METTL22: variants seen among roughly 807,000 people sequenced by gnomAD.
METTL22 encodes methyltransferase-like protein 22.
In METTL22, 51 loss-of-function variants were observed where a neutral mutation model predicts 48.4. The ratio of observed to expected loss-of-function variants is 1.05; its 90% CI spans 0.84 to 1.33. METTL22 has a LOEUF of 1.33. Among genes scored for constraint, METTL22 ranks in the 40% most tolerant of loss-of-function variants. METTL22 has a pLI of 0.00. For missense variants in METTL22, 678 were observed against 526.9 expected, an observed-to-expected ratio of 1.29 and a Z score of -2.81; for synonymous variants, 255 against 214.1, an observed-to-expected ratio of 1.19 and a Z score of -1.67.
chr16:8,628,289 G>A (rs532631696), intron 2 of METTL22, among the ~76,000 whole-genome samples: 1 of 152,334 alleles, frequency 6.6e-6, no homozygotes, highest in Admixed American at 6.5e-5. Context: ...GTTCGGTGAT[G>A]AATGAATGGA....
the METTL22 span, among the ~76,000 whole-genome samples, chr16:8,664,265 C>G: frequency 6.6e-6 from 1 of 151,954 alleles, no homozygotes; most frequent in Non-Finnish European, 1.5e-5. Flanking sequence ...TTTTCTATTT[C>G]TTTGCAAGTT....
chr16:8,627,275 C>A (rs1030803420), intron 2 of METTL22, among the ~76,000 whole-genome samples: 2 of 152,176 alleles, frequency 1.3e-5, no homozygotes, highest in Non-Finnish European at 1.5e-5. Flanking sequence ...TGAGGCCAGC[C>A]TGACCCAGCC....
At position 8,646,494 on chromosome 16, in the gene METTL22, T is replaced by C; in HGVS notation, c.*351T>C. The stretch of plus-strand genomic sequence containing the variant: ...TTGCGGCCCTGGCTGTGAGGTGGAT[T>C]CTTGTACTGCCCTCTGTCAGCTGTT... On this transcript the variant is annotated 3_prime_UTR_variant, in exon 11 of 11. Coordinates refer to ENST00000381920, the MANE Select transcript of METTL22 (RefSeq NM_024109.4). 1.9e-6 allele frequency: 1 copy of C among 537,656 alleles called. No homozygotes were observed. Among genetic ancestry groups the C allele is most frequent in the Non-Finnish European group, 3.6e-6 (1 of 280,124 alleles). The allele number at this position is 537,656 out of a possible 1,614,324, so 33.3% of individuals were successfully genotyped here.
intron 2 of METTL22, 137 bp downstream of exon 2, chr16:8,625,935 T>C (rs1472993261): frequency 9.1e-7 from 1 of 1,098,292 alleles, no homozygotes; most frequent in South Asian, 1.6e-5. Flanking sequence ...TGCCCTTTTT[T>C]TCTTTATGAT....
In METTL22 at chr16:8,640,973, G is replaced by GCTGGCTGGCTGGCTGTCTGGCTGT. The variant is rs2056595829; in HGVS notation, c.773-147_773-146insGCTGTCTGGCTGTCTGGCTGGCTG. 3.5e-4 allele frequency among the ~76,000 whole-genome samples: 14 copies of GCTGGCTGGCTGGCTGTCTGGCTGT among 40,316 alleles called. 2 individuals are homozygous for GCTGGCTGGCTGGCTGTCTGGCTGT. Among genetic ancestry groups the GCTGGCTGGCTGGCTGTCTGGCTGT allele is most frequent in the Admixed American group, 6.0e-4 (2 of 3,320 alleles). 26.4% of individuals were successfully genotyped at this position (40,316 alleles called of 152,430 possible). A position where few individuals can be genotyped will look rare whatever the true frequency, so the allele number is the denominator to read the frequency against. On this transcript the variant is annotated intron_variant, in intron 6 of 10. Transcript: ENST00000381920. Reference sequence around the variant, plus strand: ...GGGTGGATGGCTGGCTGGCTGGCTGGCTGGCTGGCTGTAAAGATGGAAGGG... The same window carrying GCTGGCTGGCTGGCTGTCTGGCTGT: ...GGGTGGATGGCTGGCTGGCTGGCTGGCTGGCTGGCTGGCTGTCTGGCTGTCTGGCTGGCTGTAAAGATGGAAGGG...
At chr16:8,624,697 T>A (rs550281776) in intron 1 of METTL22, among the ~76,000 whole-genome samples, 1 of 151,646 alleles carries the variant, frequency 6.6e-6, no homozygotes, top group South Asian at 2.1e-4. Context: ...GAGACCCTTG[T>A]CTCTACAAAA....
intron 2 of METTL22, among the ~76,000 whole-genome samples, chr16:8,627,626 A>G (rs746958756): frequency 4.6e-5 from 7 of 152,192 alleles, no homozygotes; most frequent in Non-Finnish European, 8.8e-5. Flanking sequence ...AGCTATTTTT[A>G]TAAAGAGTTT....
At chr16:8,637,687 G>A (rs577430453) in intron 5 of METTL22, among the ~76,000 whole-genome samples, 2 of 152,334 alleles carry the variant, frequency 1.3e-5, no homozygotes, top group African/African-American at 2.4e-5. Context: ...TTCAGATTGT[G>A]TTGCATGGAA....
the METTL22 span, among the ~76,000 whole-genome samples, chr16:8,666,189 A>G: frequency 2.0e-5 from 3 of 152,198 alleles, no homozygotes; most frequent in Non-Finnish European, 4.4e-5. Context: ...CATCCTGAGC[A>G]AGCAGTTCTT....
chr16:8,664,476 T>G, the METTL22 span, among the ~76,000 whole-genome samples: 21 of 151,592 alleles, frequency 1.4e-4, no homozygotes, highest in African/African-American at 3.6e-4. Context: ...TTTTTTGAGA[T>G]GGGGTCTTGC....
chr16:8,626,386 G>A (rs1455844026), intron 2 of METTL22, among the ~76,000 whole-genome samples: 1 of 151,682 alleles, frequency 6.6e-6, no homozygotes, highest in Non-Finnish European at 1.5e-5. Context: ...AAACTTTGCC[G>A]TCAGCAAGCC....
At chr16:8,651,255 C>T (rs1292901678), downstream of METTL22, among the ~76,000 whole-genome samples, 1 of 150,980 alleles carries the variant, frequency 6.6e-6, no homozygotes, top group Admixed American at 6.6e-5. Flanking sequence ...GGCGTGGTGG[C>T]GGGCACCTGT....
chr16:8,626,968 C>G (rs889057187), intron 2 of METTL22, among the ~76,000 whole-genome samples: 2 of 151,612 alleles, frequency 1.3e-5, no homozygotes, highest in East Asian at 3.9e-4. Flanking sequence ...AGGGTTTCAC[C>G]GTGTTAACCA....
rs767117562 is a variant in METTL22, at chr16:8,628,844, G to T, written c.248G>T (p.Gly83Val). 6 of 1,614,042 alleles carry T rather than the reference G, an allele frequency of 3.7e-6. No homozygotes were observed. The change falls in exon 3 of 11, where the codon GGC becomes GTC. Residue 83 changes from glycine to valine, a missense_variant. By Grantham distance (109) the Gly-to-Val change is moderately radical. Coordinates refer to ENST00000381920, the MANE Select transcript of METTL22 (RefSeq NM_024109.4). ...AAGGAGCCTCCTTCTGCTGAGACAG[G>T]CAGCACAGGGTCCCCTCCAGGAAGT... is the stretch of plus-strand genomic sequence containing the variant. Reference protein sequence around the residue: ...HTKEPPSAETGSTGSPPGSGH... With the variant: ...HTKEPPSAETVSTGSPPGSGH...
rs1489485742 is a variant in METTL22 at position 8,640,942 on chromosome 16, A to ATGGATGGG, written c.773-186_773-185insATGGGTGG. Among the ~76,000 whole-genome samples, 406 of 43,640 alleles carry ATGGATGGG rather than the reference A, an allele frequency of 9.3e-3. 51 individuals are homozygous for ATGGATGGG. The highest frequency in any genetic ancestry group is 0.041 in the African/African-American group (390 of 9,500). 28.6% of individuals were successfully genotyped at this position (43,640 alleles called of 152,430 possible). ...GATGGATGGATGGATGGATGGATGG[A>ATGGATGGG]TGGGTGGGTGGATGGCTGGCTGGCT... is the stretch of plus-strand genomic sequence containing the variant. On this transcript the variant is annotated intron_variant, in intron 6 of 10. Transcript: ENST00000381920.
intron 3 of METTL22, 37 bp downstream of exon 3, chr16:8,629,147 G>C: frequency 6.3e-7 from 1 of 1,589,600 alleles, no homozygotes; most frequent in South Asian, 1.1e-5. Context: ...CTGTCACCAA[G>C]GCAACTCCGC....
At chr16:8,621,894 C>G (rs555811780) in intron 1 of METTL22, 119 bp downstream of exon 1, 1 of 152,320 alleles carries the variant, frequency 6.6e-6, no homozygotes, top group Non-Finnish European at 1.5e-5. Context: ...AGGCCCGACC[C>G]CACTCTTAGC....
At chr16:8,663,225 A>ATT in the METTL22 span, among the ~76,000 whole-genome samples, 1 of 123,440 alleles carries the variant, frequency 8.1e-6, no homozygotes, top group African/African-American at 3.1e-5. Flanking sequence ...AAAAAAAAAA[A>ATT]GGTAGCCAAG....
chr16:8,632,110 C>G (rs2056283092), intron 3 of METTL22: 1 of 152,212 alleles, frequency 6.6e-6, no homozygotes. Context: ...TCGAGGATGT[C>G]AGACACAAGA....
Sources: allele counts gnomAD v4.1 joint callset (sites outside exome capture counted in the v4.1 genomes callset), GRCh38; gene constraint gnomAD v4.1.1; transcripts MANE v1.5; gene names NCBI Gene and HGNC (gene_info 2026-07-23, HGNC 2026-07-21).